Variants in SETBP1 observed in about 807,000 individuals in gnomAD.
The protein encoded by SETBP1 is SET binding protein 1.
In SETBP1, 9 loss-of-function variants were observed where a neutral mutation model predicts 101.0. The ratio of observed to expected loss-of-function variants is 0.09; its 90% CI spans 0.05 to 0.16. The LOEUF is 0.16. SETBP1 is among the 10% of genes least tolerant of loss of function. SETBP1 has a pLI of 1.00. For missense variants in SETBP1, 1,858 were observed against 2,033.8 expected, an observed-to-expected ratio of 0.91 and a Z score of 1.66; for synonymous variants, 818 against 788.5, an observed-to-expected ratio of 1.04 and a Z score of -0.63.
intron 2 of SETBP1, among the ~76,000 whole-genome samples, chr18:44,866,702 G>A (rs1382901724): frequency 6.6e-6 from 1 of 152,158 alleles, no homozygotes; most frequent in Non-Finnish European, 1.5e-5. Flanking sequence ...TTCCTGCACA[G>A]GTCACTCTCA....
intron 2 of SETBP1, among the ~76,000 whole-genome samples, chr18:44,866,334 C>A (rs2069128556): frequency 6.6e-6 from 1 of 152,162 alleles, no homozygotes. Flanking sequence ...ATATCTTAAG[C>A]CTGCCTCTCA....
intron 4 of SETBP1, among the ~76,000 whole-genome samples, chr18:44,965,109 ATGTTGAATGTTTCT>A (rs1422909194): frequency 6.6e-6 from 1 of 152,192 alleles, no homozygotes; most frequent in Non-Finnish European, 1.5e-5. Context: ...ATATCACTGA[ATGTTGAATGTTTCT>A]TCTCAGATCA....
chr18:44,835,767 A>C (rs1470213431), intron 2 of SETBP1, among the ~76,000 whole-genome samples: 1 of 152,214 alleles, frequency 6.6e-6, no homozygotes, highest in African/African-American at 2.4e-5. Context: ...TTCCAGACCA[A>C]CTCTGTGTCC....
intron 2 of SETBP1, among the ~76,000 whole-genome samples, chr18:44,753,488 G>A (rs979688440): frequency 6.6e-6 from 1 of 152,232 alleles, no homozygotes; most frequent in Non-Finnish European, 1.5e-5. Context: ...TGTATTAGAA[G>A]TAGTGCTACC....
At chr18:45,033,447 T>G (rs968718520) in intron 4 of SETBP1, among the ~76,000 whole-genome samples, 1 of 152,196 alleles carries the variant, frequency 6.6e-6, no homozygotes, top group Non-Finnish European at 1.5e-5. Flanking sequence ...AATAGCATAA[T>G]GCATATCAAA....
chr18:44,722,230 A>T (rs2069615533), intron 2 of SETBP1, among the ~76,000 whole-genome samples: 1 of 152,184 alleles, frequency 6.6e-6, no homozygotes, highest in African/African-American at 2.4e-5. Flanking sequence ...CTCTAAGCTC[A>T]GTAGGAGAGG....
chr18:45,061,827 C>T (rs1027747167), intron 5 of SETBP1, among the ~76,000 whole-genome samples: 9 of 152,320 alleles, frequency 5.9e-5, no homozygotes, highest in Middle Eastern at 6.8e-3. Flanking sequence ...AAACAACAAA[C>T]CAAAATGATA....
chr18:44,886,572 TA>T (rs1247993924), intron 3 of SETBP1, among the ~76,000 whole-genome samples: 2 of 152,044 alleles, frequency 1.3e-5, no homozygotes, highest in East Asian at 3.9e-4. Flanking sequence ...AAGCAATGTT[TA>T]AAATTTCTAG....
At chr18:44,811,860 G>A (rs2071869019) in intron 2 of SETBP1, among the ~76,000 whole-genome samples, 1 of 152,182 alleles carries the variant, frequency 6.6e-6, no homozygotes, top group African/African-American at 2.4e-5. Context: ...GAGGTGGTTG[G>A]TCTCAATGCT....
At chr18:44,786,866 G>T (rs957786893) in intron 2 of SETBP1, among the ~76,000 whole-genome samples, 1 of 152,168 alleles carries the variant, frequency 6.6e-6, no homozygotes, top group Non-Finnish European at 1.5e-5. Flanking sequence ...GTTTGTCGGG[G>T]GAAATGTGAT....
intron 2 of SETBP1, among the ~76,000 whole-genome samples, chr18:44,856,010 C>G (rs552324199): frequency 6.6e-6 from 1 of 150,392 alleles, no homozygotes. Flanking sequence ...GTGTTTGGAT[C>G]TAACTTCAGT....
intron 2 of SETBP1, among the ~76,000 whole-genome samples, chr18:44,822,903 G>C (rs1306711511): frequency 2.6e-5 from 4 of 152,318 alleles, no homozygotes; most frequent in Admixed American, 1.3e-4. Context: ...TGTACTTTGG[G>C]AGGCCGAGGT....
At chr18:44,799,604 A>G (rs967576510) in intron 2 of SETBP1, among the ~76,000 whole-genome samples, 1 of 152,160 alleles carries the variant, frequency 6.6e-6, no homozygotes, top group African/African-American at 2.4e-5. Flanking sequence ...TCGCAGATGA[A>G]CCATGATCAC....
chr18:44,706,619 A>AAG (rs2069224863), intron 2 of SETBP1, among the ~76,000 whole-genome samples: 2 of 150,188 alleles, frequency 1.3e-5, no homozygotes, highest in Non-Finnish European at 3.0e-5. Flanking sequence ...AAAAAAAAAA[A>AAG]AAAAAAATTC....
At chr18:44,744,966 G>C (rs2070202424) in intron 2 of SETBP1, among the ~76,000 whole-genome samples, 1 of 152,034 alleles carries the variant, frequency 6.6e-6, no homozygotes, top group Non-Finnish European at 1.5e-5. Context: ...GAATGAAGCT[G>C]TTATGCGCGT....
rs1397791729 is a variant in SETBP1 at position 44,985,478 on chromosome 18, T to C, written c.4000+32138T>C. The stretch of plus-strand genomic sequence containing the variant: ...AGTAATAATAATTCTGGCTTGGGCT[T>C]AATACACTTATTAATGTTGAAGTAT... On this transcript the variant is annotated intron_variant, in intron 4 of 5. Transcript: ENST00000649279. Among the ~76,000 whole-genome samples, 5 of 152,208 alleles carry C rather than the reference T, an allele frequency of 3.3e-5. No homozygotes were observed. In the South Asian group the frequency reaches 6.2e-4, roughly 19 times the overall value.
chr18:44,993,592 A>G (rs1169037121), intron 4 of SETBP1, among the ~76,000 whole-genome samples: 1 of 152,068 alleles, frequency 6.6e-6, no homozygotes, highest in Non-Finnish European at 1.5e-5. Flanking sequence ...TTTCATTTTT[A>G]AAAATGAGTC....
intron 4 of SETBP1, among the ~76,000 whole-genome samples, chr18:45,024,812 A>G (rs1167134785): frequency 6.6e-6 from 1 of 152,228 alleles, no homozygotes; most frequent in Non-Finnish European, 1.5e-5. Context: ...ACAGGGGCTT[A>G]CAGAATCAAC....
chr18:44,877,302 A>G (rs2069428896), intron 3 of SETBP1: 1 of 736,252 alleles, frequency 1.4e-6, no homozygotes, highest in Non-Finnish European at 1.7e-6. Context: ...CCACACAAAA[A>G]GTATGGATTA....
Sources: allele counts gnomAD v4.1 joint callset (sites outside exome capture counted in the v4.1 genomes callset), GRCh38; gene constraint gnomAD v4.1.1; transcripts MANE v1.5; gene names NCBI Gene and HGNC (gene_info 2026-07-23, HGNC 2026-07-21).